TTBK2: variants seen among roughly 807,000 people sequenced by gnomAD.
TTBK2 encodes the protein tau-tubulin kinase 2.
A neutral mutation model predicts 110.8 loss-of-function variants in TTBK2; 28 were observed. The ratio of observed to expected loss-of-function variants is 0.25; its 90% CI spans 0.19 to 0.35. The LOEUF is 0.35. TTBK2 is among the 10% of genes least tolerant of loss of function. The probability of loss-of-function intolerance (pLI) is 1.00; values close to 1 mark genes in which losing one functional copy is unlikely to be tolerated. For synonymous variants in TTBK2, 532 were observed against 527.3 expected (o/e 1.01, Z -0.12); for missense variants, 1,369 against 1,500.3 (o/e 0.91, Z 1.45).
intron 13 of TTBK2, among the ~76,000 whole-genome samples, chr15:42,763,405 C>T (rs776739769): frequency 2.0e-5 from 3 of 149,252 alleles, no homozygotes; most frequent in African/African-American, 4.9e-5. Context: ...GTAGACACAG[C>T]GTTTCACCAT....
chr15:42,908,906 T>C (rs1353686407), intron 1 of TTBK2, among the ~76,000 whole-genome samples: 1 of 152,212 alleles, frequency 6.6e-6, no homozygotes, highest in Non-Finnish European at 1.5e-5. Flanking sequence ...AATTATAGTA[T>C]ATTCGTCCTG....
Position 42,816,081 on chromosome 15 carries a change from AATAAATATATATATAT to A in TTBK2, c.603+935_603+950del, listed in dbSNP as rs1226133433. Among the ~76,000 whole-genome samples the A allele has an allele frequency of 9.8e-3, 590 of 60,284 alleles. 23 individuals carry two copies. The highest frequency in any genetic ancestry group is 0.055 in the African/African-American group (548 of 10,052). The allele number at this position is 60,284 out of a possible 152,430, so 39.5% of individuals were successfully genotyped here. On this transcript the variant is annotated intron_variant, in intron 7 of 14. Coordinates refer to ENST00000267890, the MANE Select transcript of TTBK2 (RefSeq NM_173500.4). ...AAATATATATATATAAAAATAAATA[AATAAATATATATATAT>A]ATATATATATATATATATATATGTG...
chr15:42,914,164 G>A (rs187059896), intron 1 of TTBK2, among the ~76,000 whole-genome samples: 2 of 151,768 alleles, frequency 1.3e-5, no homozygotes, highest in African/African-American at 2.4e-5. Flanking sequence ...TTTTAGTAGA[G>A]ACAGGGTTTC....
At chr15:42,750,544 A>G (rs1198599942) in intron 14 of TTBK2, among the ~76,000 whole-genome samples, 1 of 152,106 alleles carries the variant, frequency 6.6e-6, no homozygotes, top group Non-Finnish European at 1.5e-5. Flanking sequence ...AGACAGGACA[A>G]TGGAAAGTAT....
At chr15:42,774,869 C>T (rs16957138) in intron 13 of TTBK2, among the ~76,000 whole-genome samples, 7,754 of 152,132 alleles carry the variant, frequency 0.051, 552 homozygotes, top group African/African-American at 0.15. Flanking sequence ...AGATAGCTAG[C>T]GCTTGTAGTC....
At chr15:42,826,711 G>C (rs914037454) in intron 6 of TTBK2, among the ~76,000 whole-genome samples, 1 of 151,988 alleles carries the variant, frequency 6.6e-6, no homozygotes, top group Admixed American at 6.5e-5. Context: ...TGACAGCCCC[G>C]GAGTCATTCT....
intron 11 of TTBK2, among the ~76,000 whole-genome samples, chr15:42,779,708 G>A (rs78175294): frequency 0.016 from 2,425 of 152,138 alleles, 34 homozygotes; most frequent in Non-Finnish European, 0.025. Flanking sequence ...GGCTGGGCGC[G>A]GTGGCTCACA....
intron 13 of TTBK2, among the ~76,000 whole-genome samples, chr15:42,758,067 C>A (rs747743017): frequency 3.3e-5 from 5 of 152,176 alleles, no homozygotes; most frequent in Non-Finnish European, 7.4e-5. Context: ...TACAGATTAT[C>A]CTTTTACTTT....
At chr15:42,812,157 C>T (rs1891750026) in intron 7 of TTBK2, among the ~76,000 whole-genome samples, 1 of 152,088 alleles carries the variant, frequency 6.6e-6, no homozygotes, top group Non-Finnish European at 1.5e-5. Context: ...GGGCATCTGT[C>T]ATGAGTTTAT....
intron 1 of TTBK2, among the ~76,000 whole-genome samples, chr15:42,890,546 T>C (rs1365397420): frequency 6.6e-5 from 10 of 152,326 alleles, no homozygotes; most frequent in Admixed American, 2.0e-4. Flanking sequence ...TTCTAGCAAA[T>C]TGCACTTCTC....
chr15:42,856,397 G>GA (rs529022621), intron 3 of TTBK2, among the ~76,000 whole-genome samples: 28 of 147,788 alleles, frequency 1.9e-4, no homozygotes, highest in African/African-American at 5.7e-4. Context: ...GAAGGCAAGG[G>GA]AAAAAAAAAA....
At chr15:42,837,288 G>A (rs1893024509) in intron 4 of TTBK2, among the ~76,000 whole-genome samples, 2 of 151,254 alleles carry the variant, frequency 1.3e-5, no homozygotes, top group African/African-American at 2.4e-5. Flanking sequence ...AACCTGGGAG[G>A]CGAAGGTTGC....
At chr15:42,888,613 G>A (rs1307968067) in intron 1 of TTBK2, among the ~76,000 whole-genome samples, 1 of 152,020 alleles carries the variant, frequency 6.6e-6, no homozygotes, top group Non-Finnish European at 1.5e-5. Context: ...CCTCACTCTT[G>A]CAAAGGGACT....
chr15:42,763,375 G>A (rs1283745020), intron 13 of TTBK2, among the ~76,000 whole-genome samples: 1 of 149,386 alleles, frequency 6.7e-6, no homozygotes, highest in Non-Finnish European at 1.5e-5. Context: ...CATCACGCCT[G>A]TCTAATTTTT....
At chr15:42,806,016 C>T (rs562387120) in intron 9 of TTBK2, among the ~76,000 whole-genome samples, 233 of 152,330 alleles carry the variant, frequency 1.5e-3, no homozygotes, top group African/African-American at 5.2e-3. Flanking sequence ...GTAATCCCAG[C>T]ACTTTGGGAG....
chr15:42,902,266 A>C (rs1456761436), intron 1 of TTBK2, among the ~76,000 whole-genome samples: 2 of 151,518 alleles, frequency 1.3e-5, no homozygotes, highest in African/African-American at 4.8e-5. Flanking sequence ...CACGCCTGTA[A>C]TCCCAGCATT....
At chr15:42,874,214 G>A (rs1281601457) in intron 2 of TTBK2, among the ~76,000 whole-genome samples, 1 of 151,980 alleles carries the variant, frequency 6.6e-6, no homozygotes, top group Non-Finnish European at 1.5e-5. Flanking sequence ...CTATTTCCTT[G>A]TGTCCCCCAT....
intron 3 of TTBK2, chr15:42,871,526 T>C: frequency 2.0e-6 from 2 of 985,346 alleles, no homozygotes; most frequent in Non-Finnish European, 2.4e-6. Flanking sequence ...ATACCCTTCA[T>C]GGGCTTGGCT....
In TTBK2 at chr15:42,801,195, T is replaced by C. The variant is rs1891181394; in HGVS notation, c.823-6394A>G. ...GGTCTTCATATGGATACTCATGTTC[T>C]GCATCCCAGACTCCAGCCAGCTCTC... On this transcript the variant is annotated intron_variant, in intron 9 of 14. Transcript: ENST00000267890. The C allele has an allele frequency of 2.8e-6, 4 of 1,415,960 alleles. 1 individual carries two copies. The East Asian group carries it at 9.0e-5, about 32-fold the overall frequency. 87.7% of individuals were successfully genotyped at this position (1,415,960 alleles called of 1,614,324 possible). A position where few individuals can be genotyped will look rare whatever the true frequency, so the allele number is the denominator to read the frequency against.
Sources: gnomAD v4.1 joint callset for allele counts (sites outside exome capture counted in the v4.1 genomes callset) on GRCh38, gnomAD v4.1.1 for gene constraint, MANE v1.5 for transcripts, NCBI Gene and HGNC (gene_info 2026-07-23, HGNC 2026-07-21) for gene names.